Variants in KIF1B observed in about 807,000 individuals in gnomAD.
KIF1B encodes the protein kinesin-like protein KIF1B.
A neutral mutation model predicts 241.9 loss-of-function variants in KIF1B; 76 were observed. The observed-to-expected ratio is 0.31, with a 90% confidence interval of 0.26 to 0.38. The LOEUF (loss-of-function observed/expected upper bound fraction) is 0.38. Among genes scored for constraint, KIF1B ranks in the 10% least tolerant of loss-of-function variants. The pLI, the probability that KIF1B is intolerant of heterozygous loss-of-function variation, is 1.00. For synonymous variants in KIF1B, 750 were observed against 796.7 expected (o/e 0.94, Z 0.99); for missense variants, 1,622 against 2,271.4 (o/e 0.71, Z 5.81).
At chr1:10,217,892 A>T (rs1193933708) in intron 1 of KIF1B, among the ~76,000 whole-genome samples, 1 of 152,016 alleles carries the variant, frequency 6.6e-6, no homozygotes. Flanking sequence ...AAATTCCTCC[A>T]TGACAAGGAG....
At position 10,291,169 on chromosome 1, in the gene KIF1B, G is replaced by T. The variant is rs754707879; in HGVS notation, c.1514+8G>T. The T allele has an allele frequency of 6.3e-7, 1 of 1,595,472 alleles. No individual in the cohort carries two copies. Among genetic ancestry groups the T allele is most frequent in the Non-Finnish European group, 8.6e-7 (1 of 1,163,572 alleles). ...GGCCATCAGAATGGAGAGGTCAGGAGGTTAAAATCTGGAAATGTTTCTAAG... is the reference window on the plus strand; with the variant it reads ...GGCCATCAGAATGGAGAGGTCAGGATGTTAAAATCTGGAAATGTTTCTAAG... On this transcript the variant is annotated splice_region_variant and intron_variant, in intron 16 of 48. Coordinates refer to ENST00000676179, the MANE Select transcript of KIF1B (RefSeq NM_001365951.3).
intron 40 of KIF1B, among the ~76,000 whole-genome samples, chr1:10,362,827 T>A (rs1161579137): frequency 6.6e-6 from 1 of 152,190 alleles, no homozygotes; most frequent in Non-Finnish European, 1.5e-5. Flanking sequence ...TCTCAGCACT[T>A]TTTGATGCCA....
chr1:10,307,825 C>T (rs1351272632), intron 22 of KIF1B: 6 of 1,041,316 alleles, frequency 5.8e-6, no homozygotes, highest in African/African-American at 5.0e-5. Context: ...TTTCACAAAG[C>T]GGAATGGTAT....
At chr1:10,304,328 G>T (rs756231855) in intron 22 of KIF1B, 35 of 1,614,072 alleles carry the variant, frequency 2.2e-5, no homozygotes, top group Non-Finnish European at 3.0e-5. Context: ...CCTCAACTAC[G>T]TTGGAGAAGC....
intron 12 of KIF1B, among the ~76,000 whole-genome samples, chr1:10,276,806 C>T (rs1300505569): frequency 2.6e-5 from 4 of 152,138 alleles, no homozygotes; most frequent in African/African-American, 4.8e-5. Context: ...GTCGGCCAGG[C>T]GCAGTGGCCC....
In KIF1B at chr1:10,337,298, A is replaced by G; in HGVS notation, c.3260-73A>G. On this transcript the variant is annotated intron_variant, in intron 30 of 48. Coordinates refer to ENST00000676179, the MANE Select transcript of KIF1B (RefSeq NM_001365951.3). The surrounding 1 kb of genome is among the most constrained non-coding windows in gnomAD (Gnocchi z 4.0). ...GACATAGTGGCCTTCATCAACTAGG[A>G]ATGGAAAGCATGCCCAACTCCCTCC... is the stretch of plus-strand genomic sequence containing the variant. 6.2e-7 allele frequency: 1 copy of G among 1,612,428 alleles called. No individual in the cohort carries two copies. The highest frequency in any genetic ancestry group is 1.1e-5 in the South Asian group (1 of 91,006).
intron 40 of KIF1B, 127 bp from the exon 41 acceptor site, chr1:10,363,156 A>G (rs1203247735): frequency 4.2e-6 from 3 of 706,384 alleles, no homozygotes; most frequent in South Asian, 1.7e-5. Context: ...AGCGGTGACA[A>G]ATAAGAAATG....
chr1:10,336,752 C>G lies in KIF1B; in HGVS notation c.3129+10C>G. 1 of 1,600,284 alleles carries G rather than the reference C, an allele frequency of 6.2e-7. No individual in the cohort carries two copies. The highest frequency in any genetic ancestry group is 8.6e-7 in the Non-Finnish European group (1 of 1,167,586). ...TGAATACTTTAATCAGGTGAGAAAC[C>G]GTCAGGAAGAAGGAAAACCCTGTGG... On this transcript the variant is annotated intron_variant, in intron 29 of 48. Coordinates refer to ENST00000676179, the MANE Select transcript of KIF1B (RefSeq NM_001365951.3).
chr1:10,375,761 TTTTTC>T (rs1638864739), intron 48 of KIF1B, among the ~76,000 whole-genome samples: 1 of 148,008 alleles, frequency 6.8e-6, no homozygotes, highest in Admixed American at 6.7e-5. Context: ...AAAGGAAGAA[TTTTTC>T]TTTTCTTTTT....
At chr1:10,321,108 C>CT (rs1332388476) in intron 23 of KIF1B, among the ~76,000 whole-genome samples, 399 of 143,576 alleles carry the variant, frequency 2.8e-3, no homozygotes, top group African/African-American at 6.3e-3. Flanking sequence ...AGGAGTTTGT[C>CT]TTTTTTTTTT....
chr1:10,267,244 C>A, intron 5 of KIF1B, 136 bp from the exon 6 acceptor site: 1 of 706,090 alleles, frequency 1.4e-6, no homozygotes. Flanking sequence ...GTCTCGAACT[C>A]GTAGTTCGAG....
At chr1:10,228,125 C>T (rs1646934192) in intron 1 of KIF1B, among the ~76,000 whole-genome samples, 1 of 151,774 alleles carries the variant, frequency 6.6e-6, no homozygotes. Flanking sequence ...AAGGAGGTTG[C>T]AGTGAGCCAA....
intron 1 of KIF1B, among the ~76,000 whole-genome samples, chr1:10,217,406 C>A (rs1646784018): frequency 6.8e-6 from 1 of 147,580 alleles, no homozygotes; most frequent in Admixed American, 7.0e-5. Flanking sequence ...GAGGCACAAT[C>A]TCCTGGGTTC....
chr1:10,239,914 C>T (rs1647111421), intron 2 of KIF1B, among the ~76,000 whole-genome samples: 4 of 151,934 alleles, frequency 2.6e-5, no homozygotes, highest in East Asian at 2.0e-4. Flanking sequence ...TACAAGCACC[C>T]GCCACCATGC....
At chr1:10,286,077 T>A (rs1649678346) in intron 15 of KIF1B, among the ~76,000 whole-genome samples, 1 of 152,048 alleles carries the variant, frequency 6.6e-6, no homozygotes, top group Admixed American at 6.5e-5. Flanking sequence ...TCTTGCTCTG[T>A]TGCCCAGGCT....
intron 14 of KIF1B, among the ~76,000 whole-genome samples, chr1:10,281,609 A>G (rs1649409065): frequency 6.6e-6 from 1 of 152,196 alleles, no homozygotes; most frequent in Admixed American, 6.5e-5. Context: ...GAAGAATGGA[A>G]CCTGCACTAA....
Position 10,378,040 on chromosome 1 carries a change from C to A in KIF1B, c.*1453C>A, listed in dbSNP as rs1055423020. On this transcript the variant is annotated 3_prime_UTR_variant, in exon 49 of 49. Transcript: ENST00000676179. The stretch of plus-strand genomic sequence containing the variant: ...CAGGCATAAACCTGGAAGTCTCCCT[C>A]TGAATCCAGCAGTTGTTTTCATTGA... 1 of 389,794 alleles carries A rather than the reference C, an allele frequency of 2.6e-6. No homozygotes were observed. Among genetic ancestry groups the A allele is most frequent in the Admixed American group, 4.2e-5 (1 of 24,054 alleles). The allele number at this position is 389,794 out of a possible 1,614,324, so 24.1% of individuals were successfully genotyped here.
chr1:10,236,473 C>T (rs1455832144), intron 2 of KIF1B, among the ~76,000 whole-genome samples: 1 of 152,192 alleles, frequency 6.6e-6, no homozygotes, highest in Non-Finnish European at 1.5e-5. Flanking sequence ...TTTAAATTAG[C>T]ATTAGTCTAC....
At chr1:10,225,900 G>A (rs1480917538) in intron 1 of KIF1B, among the ~76,000 whole-genome samples, 3 of 152,156 alleles carry the variant, frequency 2.0e-5, no homozygotes, top group Admixed American at 1.3e-4. Context: ...GATAGAAATA[G>A]ATCTGTACTT....
Sources: gnomAD v4.1 joint callset for allele counts (sites outside exome capture counted in the v4.1 genomes callset) on GRCh38, gnomAD v4.1.1 for gene constraint, Gnocchi (gnomAD v3.1) non-coding constraint, MANE v1.5 for transcripts, NCBI Gene and HGNC (gene_info 2026-07-23, HGNC 2026-07-21) for gene names.